Variants in SEC23IP observed in about 807,000 individuals in gnomAD.
SEC23IP encodes the protein SEC23-interacting protein.
Under a neutral mutation model 113.4 loss-of-function variants are expected in SEC23IP, and 70 were observed. The observed-to-expected ratio is 0.62, with a 90% CI of 0.51 to 0.75. The LOEUF is 0.75. Among genes scored for constraint, SEC23IP ranks in the 30% least tolerant of loss-of-function variants. The pLI is 0.00. For synonymous variants in SEC23IP, 398 were observed against 421.0 expected (o/e 0.95, Z 0.67); for missense variants, 1,160 against 1,204.9 (o/e 0.96, Z 0.55).
intron 11 of SEC23IP, among the ~76,000 whole-genome samples, chr10:119,920,487 G>A (rs1213681823): frequency 6.6e-6 from 1 of 152,180 alleles, no homozygotes; most frequent in Non-Finnish European, 1.5e-5. Flanking sequence ...TCATTACTGT[G>A]TGCATAGTAG....
At chr10:119,916,203 C>T (rs1006606584) in intron 8 of SEC23IP, among the ~76,000 whole-genome samples, 1 of 152,160 alleles carries the variant, frequency 6.6e-6, no homozygotes, top group Non-Finnish European at 1.5e-5. Flanking sequence ...TCCACCCCAA[C>T]AAAAATGTCT....
intron 4 of SEC23IP, among the ~76,000 whole-genome samples, chr10:119,905,033 C>G (rs1016040412): frequency 3.3e-5 from 5 of 151,888 alleles, no homozygotes; most frequent in Admixed American, 6.6e-5. Context: ...ACTCGGGAGG[C>G]TGAAGAGGAA....
rs1855035310 is a variant in SEC23IP, at chr10:119,915,887, C to G, written c.1542C>G (p.Asp514Glu). The G allele has an allele frequency of 6.6e-7, 1 of 1,518,418 alleles. No homozygotes were observed. The highest frequency in any genetic ancestry group is 1.4e-5 in the South Asian group (1 of 73,468). 94.1% of individuals were successfully genotyped at this position (1,518,418 alleles called of 1,614,324 possible). A position where few individuals can be genotyped will look rare whatever the true frequency, so the allele number is the denominator to read the frequency against. The part of the protein sequence containing the change: ...SSLGGDATGV[D>E]RNIKKITLPS... ...TGGGTGGGGACGCCACAGGTGTGGA[C>G]AGGTTTGTGGATTTTGATAACTTGT... The change falls in exon 8 of 19, where the codon GAC becomes GAG. Residue 514 changes from aspartate (D) to glutamate (E), a missense_variant and splice_region_variant. Asp to Glu is a conservative substitution (Grantham distance 45). Transcript: ENST00000369075.
At chr10:119,932,095 T>C in intron 15 of SEC23IP, 38 bp from the exon 16 acceptor site, 2 of 1,360,004 alleles carry the variant, frequency 1.5e-6, no homozygotes, top group Non-Finnish European at 1.1e-6. Flanking sequence ...GTTTACCCAG[T>C]GACTAATTAA....
At chr10:119,931,859 CG>C (rs2058559075) in intron 15 of SEC23IP, among the ~76,000 whole-genome samples, 2 of 151,732 alleles carry the variant, frequency 1.3e-5, no homozygotes, top group South Asian at 4.2e-4. Context: ...AATGTGCTTA[CG>C]TTTTTATGGT....
chr10:119,902,679 A>T, intron 2 of SEC23IP, 120 bp from the exon 3 acceptor site: 1 of 808,140 alleles, frequency 1.2e-6, no homozygotes, highest in Non-Finnish European at 2.0e-6. Flanking sequence ...TCTAGTTATT[A>T]CACTAAGTAA....
Position 119,892,841 on chromosome 10 carries a change from C to G in SEC23IP, c.59C>G (p.Thr20Ser). Residue 20 changes from threonine (T) to serine (S), a missense_variant, in exon 1 of 19, where the codon ACT (threonine) becomes AGT (serine). Physicochemically the swap from Thr to Ser is moderately conservative, Grantham distance 58. Coordinates refer to ENST00000369075, the MANE Select transcript of SEC23IP (RefSeq NM_007190.4). Reference sequence around the variant, plus strand: ...GGCGCCTCCACTTCCTCATCGGGCACTAACTTACTTTTCTCCTCCTCGGCC... The same window carrying G: ...GGCGCCTCCACTTCCTCATCGGGCAGTAACTTACTTTTCTCCTCCTCGGCC... ...SGGASTSSSG[T>S]NLLFSSSATE... 1 of 1,614,034 alleles carries G rather than the reference C, an allele frequency of 6.2e-7. No individual in the cohort carries two copies. The highest frequency in any genetic ancestry group is 8.5e-7 in the Non-Finnish European group (1 of 1,179,980).
chr10:119,911,132 T>C (rs1175340681), intron 5 of SEC23IP, among the ~76,000 whole-genome samples: 3 of 151,680 alleles, frequency 2.0e-5, no homozygotes, highest in Non-Finnish European at 4.4e-5. Context: ...AGTGGTAGGG[T>C]TTTGTCATTA....
chr10:119,904,327 A>G (rs769574231), intron 4 of SEC23IP, 50 bp downstream of exon 4: 30 of 1,507,678 alleles, frequency 2.0e-5, no homozygotes, highest in East Asian at 4.5e-5. Context: ...TGTAGGTCCT[A>G]TATACATTGG....
intron 12 of SEC23IP, among the ~76,000 whole-genome samples, chr10:119,924,869 C>T (rs1458646381): frequency 6.6e-6 from 1 of 152,116 alleles, no homozygotes; most frequent in Non-Finnish European, 1.5e-5. Flanking sequence ...CCTCCACCTC[C>T]TGGGTTCAAG....
At chr10:119,940,144 C>T (rs1052398871) in intron 18 of SEC23IP, among the ~76,000 whole-genome samples, 5 of 150,234 alleles carry the variant, frequency 3.3e-5, no homozygotes, top group South Asian at 2.1e-4. Context: ...TCTTTGGAGG[C>T]GGTTTGCAGT....
Position 119,943,234 on chromosome 10 carries a change from A to G in SEC23IP, c.*2669A>G, listed in dbSNP as rs1442896905. ...TTGTAACTTAATAAGTTGGCATTCC[A>G]GCTTAGTTTGAGTCAGTTTCCCAGG... On this transcript the variant is annotated 3_prime_UTR_variant, in exon 19 of 19. Transcript: ENST00000369075. 6 of 152,166 alleles carry G rather than the reference A, an allele frequency of 3.9e-5. No homozygotes were observed. Among genetic ancestry groups the G allele is most frequent in the African/African-American group, 1.4e-4 (6 of 41,424 alleles). The allele number at this position is 152,166 out of a possible 1,614,324, so 9.4% of individuals were successfully genotyped here. A position where few individuals can be genotyped will look rare whatever the true frequency, so the allele number is the denominator to read the frequency against.
At chr10:119,908,923 T>G (rs1482103751) in intron 4 of SEC23IP, 118 bp from the exon 5 acceptor site, 1 of 652,004 alleles carries the variant, frequency 1.5e-6, no homozygotes, top group African/African-American at 1.8e-5. Context: ...AGTCAGGAAA[T>G]GAGAACTGCT....
chr10:119,906,404 A>T (rs1462615764), intron 4 of SEC23IP, among the ~76,000 whole-genome samples: 2 of 149,410 alleles, frequency 1.3e-5, no homozygotes, highest in Non-Finnish European at 3.0e-5. Flanking sequence ...CAAAATTCAC[A>T]TCAGGGTTTT....
chr10:119,898,771 A>G lies in SEC23IP; in HGVS notation c.508A>G (p.Asn170Asp), dbSNP rs1220976810. The G allele has an allele frequency of 6.2e-7, 1 of 1,613,998 alleles. No individual in the cohort carries two copies. Among genetic ancestry groups the G allele is most frequent in the Non-Finnish European group, 8.5e-7 (1 of 1,180,018 alleles). ...PSSLPPSYFG[N>D]QPQGIPQPGY... is the part of the protein sequence containing the mutation. ...TAGTCTCCCTCCTTCATATTTTGGG[A>G]ACCAACCCCAAGGAATTCCCCAACC... The change falls in exon 2 of 19, where the codon AAC becomes GAC. Residue 170 changes from asparagine (N) to aspartate (D), a missense_variant. Coordinates refer to ENST00000369075, the MANE Select transcript of SEC23IP (RefSeq NM_007190.4).
chr10:119,895,777 G>T (rs545691721), intron 1 of SEC23IP, among the ~76,000 whole-genome samples: 26 of 152,234 alleles, frequency 1.7e-4, no homozygotes, highest in African/African-American at 6.0e-4. Context: ...ATGGGACAGG[G>T]ATGGAGCTCA....
intron 2 of SEC23IP, among the ~76,000 whole-genome samples, chr10:119,900,902 C>CT (rs545984681): frequency 1.7e-3 from 252 of 151,004 alleles, no homozygotes; most frequent in Non-Finnish European, 2.8e-3. Flanking sequence ...TGTTATATGT[C>CT]TTTTTTTGGC....
intron 4 of SEC23IP, among the ~76,000 whole-genome samples, 186 bp from the exon 5 acceptor site, chr10:119,908,855 C>T (rs1217849635): frequency 2.6e-5 from 4 of 152,024 alleles, no homozygotes; most frequent in African/African-American, 7.3e-5. Context: ...GTTACTTAGG[C>T]GTGATTGAGA....
intron 2 of SEC23IP, among the ~76,000 whole-genome samples, chr10:119,899,508 A>G (rs1195833771): frequency 6.6e-6 from 1 of 152,226 alleles, no homozygotes; most frequent in Non-Finnish European, 1.5e-5. Context: ...CCAAAGAAAA[A>G]TCAACAGAAT....
Sources: gnomAD v4.1 joint callset for allele counts (sites outside exome capture counted in the v4.1 genomes callset) on GRCh38, gnomAD v4.1.1 for gene constraint, MANE v1.5 for transcripts, NCBI Gene and HGNC (gene_info 2026-07-23, HGNC 2026-07-21) for gene names.